The following SLCO4A1 variants were observed in gnomAD, a reference collection of about 807,000 sequenced individuals.
The protein encoded by SLCO4A1 is solute carrier organic anion transporter family member 4A1.
In SLCO4A1, 51 loss-of-function variants were observed where a neutral mutation model predicts 64.6. The observed-to-expected ratio is 0.79, with a 90% CI of 0.63 to 1.00. SLCO4A1 has a LOEUF of 1.00. Among genes scored for constraint, SLCO4A1 ranks in the 50% least tolerant of loss-of-function variants. SLCO4A1 has a pLI of 0.00. For synonymous variants in SLCO4A1, 471 were observed against 444.9 expected, an observed-to-expected ratio of 1.06 and a Z score of -0.74; for missense variants, 919 against 980.5, an observed-to-expected ratio of 0.94 and a Z score of 0.84.
At position 62,656,945 on chromosome 20, in the gene SLCO4A1, G is replaced by A. The variant is rs1983848151; in HGVS notation, c.491G>A (p.Gly164Glu). The A allele has an allele frequency of 1.9e-6, 3 of 1,564,098 alleles. No individual in the cohort carries two copies. The highest frequency in any genetic ancestry group is 1.7e-5 in the Admixed American group (1 of 57,640). Residue 164 changes from glycine to glutamate, a missense_variant, in exon 2 of 12, where the codon GGG becomes GAG. Transcript: ENST00000217159. Reference protein sequence around the residue: ...CLCLTFVSYFGGSGHKPRWLG... With the variant: ...CLCLTFVSYFEGSGHKPRWLG... The stretch of plus-strand genomic sequence containing the variant: ...TGCCTCACCTTCGTCAGCTACTTCG[G>A]GGGCTCAGGGCACAAGCCGCGCTGG...
intron 1 of SLCO4A1, among the ~76,000 whole-genome samples, chr20:62,648,281 T>C (rs1489569392): frequency 6.6e-6 from 1 of 152,194 alleles, no homozygotes; most frequent in East Asian, 1.9e-4. Context: ...GTGGTTTGCG[T>C]TTCTCTCGGG....
intron 1 of SLCO4A1, among the ~76,000 whole-genome samples, chr20:62,655,320 CA>C (rs1983464206): frequency 7.2e-6 from 1 of 138,914 alleles, no homozygotes; most frequent in Non-Finnish European, 1.6e-5. Flanking sequence ...GGGGGCGGCA[CA>C]GGTGTTCTGT....
In SLCO4A1 at chr20:62,666,369, C is replaced by G. The variant is rs199789850; in HGVS notation, c.1277-11C>G. 5.6e-6 allele frequency: 9 copies of G among 1,611,162 alleles called. No individual in the cohort carries two copies. Among genetic ancestry groups the G allele is most frequent in the African/African-American group, 1.3e-5 (1 of 74,914 alleles). Reference sequence around the variant, plus strand: ...GCCTGAGTCCCTGGCTGAATCCCTCCCTCTCCCCAGGGTACCTGGTGGTGC... The same window carrying G: ...GCCTGAGTCCCTGGCTGAATCCCTCGCTCTCCCCAGGGTACCTGGTGGTGC... On this transcript the variant is annotated splice_polypyrimidine_tract_variant and intron_variant, in intron 6 of 11. Transcript: ENST00000217159.
chr20:62,672,249 A>C lies in SLCO4A1; in HGVS notation c.*356A>C. The C allele has an allele frequency of 8.2e-7, 1 of 1,220,434 alleles. No homozygotes were observed. The highest frequency in any genetic ancestry group is 1.8e-5 in the South Asian group (1 of 56,728). The allele number at this position is 1,220,434 out of a possible 1,614,324, so 75.6% of individuals were successfully genotyped here. A position where few individuals can be genotyped will look rare whatever the true frequency, so the allele number is the denominator to read the frequency against. On this transcript the variant is annotated 3_prime_UTR_variant, in exon 12 of 12. Transcript: ENST00000217159. The stretch of plus-strand genomic sequence containing the variant: ...GCCTGAGGAAGGCTTGTGTGTCCTC[A>C]GTTAAAACTGTGCATATCGAAATAT...
At chr20:62,674,372 G>A (rs998444463), downstream of SLCO4A1, among the ~76,000 whole-genome samples, 8 of 152,310 alleles carry the variant, frequency 5.3e-5, no homozygotes, top group South Asian at 2.1e-4. Context: ...GAGCTCATCC[G>A]GGAAGGCTGG....
downstream of SLCO4A1, among the ~76,000 whole-genome samples, chr20:62,689,767 C>T (rs891564057): frequency 1.3e-5 from 2 of 152,248 alleles, no homozygotes; most frequent in African/African-American, 4.8e-5. Flanking sequence ...GCCAAGCTGC[C>T]CGATTCCTTG....
rs751282619 is a variant in SLCO4A1 at position 62,658,672 on chromosome 20, C to G, written c.797-5C>G. The G allele has an allele frequency of 5.0e-6, 8 of 1,607,694 alleles. No individual in the cohort carries two copies. Among genetic ancestry groups the G allele is most frequent in the Non-Finnish European group, 5.9e-6 (7 of 1,177,590 alleles). ...GCGGCCCTGACGCCTCTGCCTCTCT[C>G]GCAGCCATCTTCTACACAGCGGCCA... On this transcript the variant is annotated splice_region_variant and splice_polypyrimidine_tract_variant and intron_variant, in intron 2 of 11. Transcript: ENST00000217159.
chr20:62,681,489 T>C (rs1328456916), intron 2 of SLCO4A1, among the ~76,000 whole-genome samples: 3 of 148,884 alleles, frequency 2.0e-5, no homozygotes, highest in Non-Finnish European at 4.5e-5. Context: ...TTAAGCTGTG[T>C]GTACACACTC....
At chr20:62,643,609 C>CCAGCGG (rs1316534795) in intron 1 of SLCO4A1, among the ~76,000 whole-genome samples, 1 of 152,236 alleles carries the variant, frequency 6.6e-6, no homozygotes. Context: ...GCTGCTGCTC[C>CCAGCGG]TCAGCTGTGG....
intron 1 of SLCO4A1, among the ~76,000 whole-genome samples, chr20:62,650,991 A>G (rs1982379382): frequency 6.6e-6 from 1 of 152,198 alleles, no homozygotes; most frequent in Non-Finnish European, 1.5e-5. Flanking sequence ...GGACGTATCC[A>G]TGTGAGGTCT....
intron 9 of SLCO4A1, 102 bp from the exon 10 acceptor site, chr20:62,668,375 A>G: frequency 1.5e-6 from 2 of 1,318,554 alleles, no homozygotes; most frequent in Non-Finnish European, 1.1e-6. Flanking sequence ...GGGGGGGGTG[A>G]TGATGTGGCT....
Position 62,668,364 on chromosome 20 carries a change from G to GT in SLCO4A1, c.1812-113_1812-112insT, listed in dbSNP as rs111531015. On this transcript the variant is annotated intron_variant, in intron 9 of 11. Transcript: ENST00000217159. Reference sequence around the variant, plus strand: ...ATCTCTGACGAGGGGCTTCCCACTTGGGGGGGGGTGATGATGTGGCTGGGG... The same window carrying GT: ...ATCTCTGACGAGGGGCTTCCCACTTGTGGGGGGGGTGATGATGTGGCTGGGG... The GT allele has an allele frequency of 7.3e-6, 8 of 1,094,758 alleles. No homozygotes were observed. The African/African-American group carries it at 1.4e-4, about 19-fold the overall frequency. 67.8% of individuals were successfully genotyped at this position (1,094,758 alleles called of 1,614,324 possible). A position where few individuals can be genotyped will look rare whatever the true frequency, so the allele number is the denominator to read the frequency against.
chr20:62,655,789 A>C (rs1361334700), intron 1 of SLCO4A1, among the ~76,000 whole-genome samples: 1 of 152,200 alleles, frequency 6.6e-6, no homozygotes, highest in Non-Finnish European at 1.5e-5. Flanking sequence ...TGCACCTCCC[A>C]AACTCTGCAC....
intron 2 of SLCO4A1, among the ~76,000 whole-genome samples, 183 bp downstream of exon 2, chr20:62,657,433 T>G (rs1415911075): frequency 2.0e-5 from 3 of 152,222 alleles, no homozygotes; most frequent in Non-Finnish European, 4.4e-5. Flanking sequence ...AAAGCTGATG[T>G]AAGGGACTCC....
At position 62,671,827 on chromosome 20, in the gene SLCO4A1, T is replaced by G; in HGVS notation, c.2103T>G (p.Thr701=). ...PLSESSDGLE[T]CLPSQSSAPD... ...CGGAGTCTTCAGATGGCCTGGAAAC[T>G]TGTCTGCCCAGCCAGTCCTCAGCCC... The change falls in exon 12 of 12, where the codon ACT becomes ACG. Residue 701 remains threonine, a synonymous_variant. Coordinates refer to ENST00000217159, the MANE Select transcript of SLCO4A1 (RefSeq NM_016354.4). 1 of 1,613,488 alleles carries G rather than the reference T, an allele frequency of 6.2e-7. No individual in the cohort carries two copies. Among genetic ancestry groups the G allele is most frequent in the South Asian group, 1.1e-5 (1 of 91,088 alleles).
intron 1 of SLCO4A1, among the ~76,000 whole-genome samples, chr20:62,655,732 G>C (rs548956493): frequency 6.6e-6 from 1 of 152,190 alleles, no homozygotes; most frequent in Non-Finnish European, 1.5e-5. Flanking sequence ...GGGTGTTTCC[G>C]GTGCTGGGGG....
At chr20:62,686,579 C>T (rs2105161), downstream of SLCO4A1, among the ~76,000 whole-genome samples, 25,084 of 152,246 alleles carry the variant, frequency 0.16, 2,560 homozygotes, top group East Asian at 0.34. Context: ...CCTTCCCTGC[C>T]AGCTGAACAC....
intron 11 of SLCO4A1, among the ~76,000 whole-genome samples, chr20:62,669,775 A>G (rs1051764478): frequency 1.3e-5 from 2 of 152,156 alleles, no homozygotes; most frequent in Admixed American, 6.5e-5. Context: ...CCGTGGCCTC[A>G]GGCTTTCCAG....
chr20:62,655,523 G>A (rs1601627506), intron 1 of SLCO4A1, among the ~76,000 whole-genome samples: 1 of 152,342 alleles, frequency 6.6e-6, no homozygotes, highest in East Asian at 1.9e-4. Context: ...GAATTGGTGT[G>A]GGGAGTGAGG....
Sources: gnomAD v4.1 joint callset for allele counts (sites outside exome capture counted in the v4.1 genomes callset) on GRCh38, gnomAD v4.1.1 for gene constraint, MANE v1.5 for transcripts, NCBI Gene and HGNC (gene_info 2026-07-23, HGNC 2026-07-21) for gene names.